The following ESRRG variants were observed in gnomAD, a reference collection of about 807,000 sequenced individuals.
The protein encoded by ESRRG is estrogen related receptor gamma.
Under a neutral mutation model 44.0 loss-of-function variants are expected in ESRRG, and 13 were observed. That is an observed-to-expected ratio of 0.30 (90% CI 0.19 to 0.47). The LOEUF (loss-of-function observed/expected upper bound fraction) is 0.47. ESRRG is among the 20% of genes least tolerant of loss of function. The probability of loss-of-function intolerance (pLI) is 1.00; values close to 1 mark genes in which losing one functional copy is unlikely to be tolerated. For synonymous variants in ESRRG, 215 were observed against 214.6 expected (o/e 1.00, Z -0.02); for missense variants, 395 against 580.6 (o/e 0.68, Z 3.29).
At chr1:216,509,833 G>A (rs1002140636) in intron 6 of ESRRG, among the ~76,000 whole-genome samples, 2 of 152,158 alleles carry the variant, frequency 1.3e-5, no homozygotes, top group Admixed American at 1.3e-4. Flanking sequence ...TGATTCAGCT[G>A]GCAGACTGCT....
At chr1:216,819,669 C>G (rs1293842681) in intron 2 of ESRRG, among the ~76,000 whole-genome samples, 1 of 151,848 alleles carries the variant, frequency 6.6e-6, no homozygotes, top group Non-Finnish European at 1.5e-5. Flanking sequence ...TTGATGGAAG[C>G]TAGTTAAATG....
At chr1:216,947,486 C>T (rs1395561992) in intron 1 of ESRRG, among the ~76,000 whole-genome samples, 3 of 152,090 alleles carry the variant, frequency 2.0e-5, no homozygotes, top group African/African-American at 7.2e-5. Flanking sequence ...AAACGGGCTT[C>T]CTCAGATGTA....
At chr1:217,017,089 AC>A (rs759399714) in intron 1 of ESRRG, among the ~76,000 whole-genome samples, 2 of 152,120 alleles carry the variant, frequency 1.3e-5, no homozygotes, top group Non-Finnish European at 2.9e-5. Flanking sequence ...AGAAGTTGGG[AC>A]AGAATGCTCT....
At chr1:217,076,487 C>A (rs1231595721) in intron 1 of ESRRG, among the ~76,000 whole-genome samples, 7 of 152,142 alleles carry the variant, frequency 4.6e-5, no homozygotes. Flanking sequence ...ACCACCTCTA[C>A]CAGAGAAATG....
chr1:217,116,212 T>C (rs2092724604), intron 1 of ESRRG, among the ~76,000 whole-genome samples: 2 of 152,174 alleles, frequency 1.3e-5, no homozygotes, highest in African/African-American at 4.8e-5. Flanking sequence ...AATATCTTAA[T>C]TATCTTGAGA....
chr1:216,581,435 T>A (rs1036749703), intron 3 of ESRRG, among the ~76,000 whole-genome samples: 1 of 152,144 alleles, frequency 6.6e-6, no homozygotes, highest in Non-Finnish European at 1.5e-5. Flanking sequence ...TAAGACATTA[T>A]CAAATTTCTT....
intron 2 of ESRRG, among the ~76,000 whole-genome samples, chr1:216,832,356 T>C (rs2095500342): frequency 6.6e-6 from 1 of 152,196 alleles, no homozygotes; most frequent in Non-Finnish European, 1.5e-5. Context: ...AAGTTCCTTT[T>C]GACTGTTAGT....
intron 3 of ESRRG, among the ~76,000 whole-genome samples, chr1:216,579,588 T>C (rs1458404603): frequency 1.3e-5 from 2 of 151,972 alleles, no homozygotes; most frequent in African/African-American, 4.8e-5. Context: ...ACATACTGAG[T>C]CTTGGCTGAA....
intron 1 of ESRRG, among the ~76,000 whole-genome samples, chr1:217,121,060 T>C (rs1412674064): frequency 6.6e-6 from 1 of 151,822 alleles, no homozygotes; most frequent in Admixed American, 6.6e-5. Context: ...GGACTTTGCC[T>C]GGGGGAAGGG....
intron 2 of ESRRG, among the ~76,000 whole-genome samples, chr1:216,867,217 A>G (rs1459166677): frequency 6.6e-6 from 1 of 152,208 alleles, no homozygotes; most frequent in Non-Finnish European, 1.5e-5. Flanking sequence ...CATCTTGTAG[A>G]AACTGTAAGT....
At chr1:216,655,049 G>A (rs969482273) in intron 2 of ESRRG, among the ~76,000 whole-genome samples, 1 of 152,164 alleles carries the variant, frequency 6.6e-6, no homozygotes, top group Non-Finnish European at 1.5e-5. Flanking sequence ...TGATATGAGA[G>A]TTTTAGATCA....
At chr1:217,061,081 G>C (rs141234874) in intron 1 of ESRRG, among the ~76,000 whole-genome samples, 1 of 151,720 alleles carries the variant, frequency 6.6e-6, no homozygotes, top group Non-Finnish European at 1.5e-5. Flanking sequence ...CCCAAAAAAA[G>C]TCTTAAGTTC....
chr1:216,603,945 C>CAA (rs144012100), intron 3 of ESRRG, among the ~76,000 whole-genome samples: 2 of 127,366 alleles, frequency 1.6e-5, no homozygotes, highest in Non-Finnish European at 3.4e-5. Context: ...AACAAAAAAA[C>CAA]AAAAAAAAAA....
intron 3 of ESRRG, among the ~76,000 whole-genome samples, chr1:216,622,098 C>G (rs1229081535): frequency 6.6e-6 from 1 of 152,210 alleles, no homozygotes; most frequent in Non-Finnish European, 1.5e-5. Flanking sequence ...ATCGTATCTA[C>G]TTCTCTATCC....
intron 1 of ESRRG, among the ~76,000 whole-genome samples, chr1:216,970,144 C>G (rs530474200): frequency 2.0e-5 from 3 of 152,036 alleles, no homozygotes; most frequent in Non-Finnish European, 4.4e-5. Context: ...CTATATTAGA[C>G]AGAAAAATGC....
intron 1 of ESRRG, among the ~76,000 whole-genome samples, chr1:217,008,686 A>T (rs116830471): frequency 0.016 from 2,429 of 152,306 alleles, 56 homozygotes; most frequent in African/African-American, 0.055. Context: ...TACTACAAGA[A>T]ATCTTAAAGG....
At chr1:216,645,915 T>G (rs1445447106) in intron 3 of ESRRG, among the ~76,000 whole-genome samples, 1 of 150,978 alleles carries the variant, frequency 6.6e-6, no homozygotes, top group Non-Finnish European at 1.5e-5. Flanking sequence ...AATTTACTTA[T>G]GAAGTTAACA....
At chr1:217,061,537 C>T (rs2088500756) in intron 1 of ESRRG, among the ~76,000 whole-genome samples, 1 of 151,960 alleles carries the variant, frequency 6.6e-6, no homozygotes, top group Admixed American at 6.6e-5. Flanking sequence ...AGAGGTAAGC[C>T]CAAATTCACA....
intron 3 of ESRRG, among the ~76,000 whole-genome samples, chr1:216,630,664 C>G (rs186931377): frequency 6.6e-6 from 1 of 152,164 alleles, no homozygotes; most frequent in East Asian, 1.9e-4. Context: ...GTTCTCTGAA[C>G]AAAAAACCCT....
Sources: allele counts gnomAD v4.1 joint callset (sites outside exome capture counted in the v4.1 genomes callset), GRCh38; gene constraint gnomAD v4.1.1; transcripts MANE v1.5; gene names NCBI Gene and HGNC (gene_info 2026-07-23, HGNC 2026-07-21).